The following RYR2 variants were observed in gnomAD, a reference collection of about 807,000 sequenced individuals.
RYR2 encodes the protein cardiac muscle ryanodine receptor-calcium release channel.
A neutral mutation model predicts 601.1 loss-of-function variants in RYR2; 227 were observed. The ratio of observed to expected loss-of-function variants is 0.38; its 90% confidence interval spans 0.34 to 0.42. RYR2 has a LOEUF of 0.42. Among genes scored for constraint, RYR2 ranks in the 10% least tolerant of loss-of-function variants. The pLI is 1.00. For missense variants in RYR2, 4,646 were observed against 6,156.5 expected (o/e 0.75, Z 8.21); for synonymous variants, 2,223 against 2,175.1 (o/e 1.02, Z -0.61).
intron 2 of RYR2, among the ~76,000 whole-genome samples, chr1:237,296,462 A>G (rs7532774): frequency 0.47 from 70,779 of 151,976 alleles, 16,755 homozygotes; most frequent in African/African-American, 0.53. Flanking sequence ...GATTGGATTT[A>G]AGAGGTAAGA....
chr1:237,798,896 G>A (rs572048929), intron 97 of RYR2, among the ~76,000 whole-genome samples: 15 of 152,050 alleles, frequency 9.9e-5, no homozygotes, highest in South Asian at 2.1e-4. Context: ...TTTTAAAAAC[G>A]TAATTGCTTA....
At chr1:237,732,294 C>A in intron 78 of RYR2, 145 bp downstream of exon 78, 1 of 483,546 alleles carries the variant, frequency 2.1e-6, no homozygotes, top group Non-Finnish European at 3.7e-6. Context: ...ACCAGCCTGG[C>A]ATGTACCTAG....
chr1:237,430,474 T>A (rs540529335), intron 12 of RYR2, among the ~76,000 whole-genome samples: 1 of 152,228 alleles, frequency 6.6e-6, no homozygotes, highest in African/African-American at 2.4e-5. Flanking sequence ...TTGTATATGA[T>A]TTTATGGTAG....
intron 1 of RYR2, among the ~76,000 whole-genome samples, chr1:237,152,576 GT>G (rs1166427609): frequency 1.3e-5 from 2 of 152,022 alleles, no homozygotes; most frequent in Non-Finnish European, 2.9e-5. Context: ...TCTCATTGTG[GT>G]TTTGATTTGC....
chr1:237,416,566 T>G (rs571967116), intron 10 of RYR2, among the ~76,000 whole-genome samples: 1 of 152,348 alleles, frequency 6.6e-6, no homozygotes, highest in East Asian at 1.9e-4. Context: ...AGAATTGTGT[T>G]CTTACATTTC....
intron 65 of RYR2, 69 bp from the exon 66 acceptor site, chr1:237,701,909 T>C (rs1165196107): frequency 1.1e-6 from 1 of 872,454 alleles, no homozygotes; most frequent in South Asian, 1.5e-5. Flanking sequence ...AGTACATAGC[T>C]TAAGCTTTCT....
In RYR2 at chr1:237,491,825, C is replaced by T; in HGVS notation, c.1728C>T (p.His576=). ...CTTTAGGCATTCTGGAAGTTTTACACTGTGTTTTAGTAGAAAGTCCAGAAG... is the reference window on the plus strand; with the variant it reads ...CTTTAGGCATTCTGGAAGTTTTACATTGTGTTTTAGTAGAAAGTCCAGAAG... ...EASSGILEVL[H]CVLVESPEAL... The change falls in exon 18 of 105, where the codon CAC becomes CAT. Residue 576 remains histidine (H), a synonymous_variant. Coordinates refer to ENST00000366574, the MANE Select transcript of RYR2 (RefSeq NM_001035.3). 6.9e-7 allele frequency: 1 copy of T among 1,458,998 alleles called. No individual in the cohort carries two copies. Among genetic ancestry groups the T allele is most frequent in the Non-Finnish European group, 9.4e-7 (1 of 1,060,476 alleles). 90.4% of individuals were successfully genotyped at this position (1,458,998 alleles called of 1,614,324 possible). A position where few individuals can be genotyped will look rare whatever the true frequency, so the allele number is the denominator to read the frequency against.
At chr1:237,272,355 T>C (rs912028440) in intron 2 of RYR2, among the ~76,000 whole-genome samples, 2 of 150,510 alleles carry the variant, frequency 1.3e-5, no homozygotes, top group Non-Finnish European at 3.0e-5. Context: ...GCAGAACCCA[T>C]AGATTTCATA....
chr1:237,191,315 T>C (rs1679944926), intron 1 of RYR2, among the ~76,000 whole-genome samples: 1 of 152,234 alleles, frequency 6.6e-6, no homozygotes. Flanking sequence ...ACTGTCATTT[T>C]GTAGTATGTT....
chr1:237,137,554 T>C (rs1167099039), intron 1 of RYR2, among the ~76,000 whole-genome samples: 2 of 152,154 alleles, frequency 1.3e-5, no homozygotes, highest in Non-Finnish European at 2.9e-5. Context: ...TTCCGTAAAT[T>C]GGTAGCAAAT....
intron 33 of RYR2, among the ~76,000 whole-genome samples, chr1:237,594,677 T>C (rs1027490847): frequency 2.6e-5 from 4 of 152,056 alleles, no homozygotes; most frequent in Non-Finnish European, 5.9e-5. Context: ...ATTTGATTAC[T>C]CAAAAACTGA....
intron 15 of RYR2, 73 bp from the exon 16 acceptor site, chr1:237,456,527 G>A (rs1300662333): frequency 5.8e-6 from 8 of 1,385,340 alleles, no homozygotes; most frequent in African/African-American, 1.5e-5. Context: ...AATCAACTTA[G>A]CATTTTTAGT....
rs1675100368 is a variant in RYR2, at chr1:237,591,045, A to G, written c.4160+53A>G. 9 of 1,508,262 alleles carry G rather than the reference A, an allele frequency of 6.0e-6. 1 individual carries two copies. The highest frequency in any genetic ancestry group is 1.3e-5 in the South Asian group (1 of 77,788). The allele number at this position is 1,508,262 out of a possible 1,614,324, so 93.4% of individuals were successfully genotyped here. ...AATTTGTAGTTATGTGAGGAAGGTT[A>G]CAGTCCAGAGTAAAGGGTCTCCTAG... On this transcript the variant is annotated intron_variant, in intron 31 of 104. Coordinates refer to ENST00000366574, the MANE Select transcript of RYR2 (RefSeq NM_001035.3).
Position 237,717,297 on chromosome 1 carries a change from C to A in RYR2, c.10423C>A (p.Pro3475Thr). 2 of 1,613,120 alleles carry A rather than the reference C, an allele frequency of 1.2e-6. No individual in the cohort carries two copies. The highest frequency in any genetic ancestry group is 1.1e-5 in the South Asian group (1 of 91,000). ...TGTAGCAGCTCTGAAGCGGTTACTG[C>A]CCATTGGGTTGAACATCTGTGCCCC... ...LIVAALKRLLPIGLNICAPGD... is the reference protein window; with the variant it reads ...LIVAALKRLLTIGLNICAPGD... Residue 3475 changes from proline to threonine, a missense_variant, in exon 72 of 105, where the codon CCC becomes ACC. Physicochemically the swap from Pro to Thr is conservative, Grantham distance 38. Transcript: ENST00000366574.
chr1:237,768,562 A>G (rs1694024447), intron 84 of RYR2, among the ~76,000 whole-genome samples: 1 of 152,206 alleles, frequency 6.6e-6, no homozygotes, highest in Admixed American at 6.5e-5. Context: ...ATTACAAATC[A>G]TAATTTACCA....
chr1:237,163,871 G>A (rs969236395), intron 1 of RYR2, among the ~76,000 whole-genome samples: 4 of 152,218 alleles, frequency 2.6e-5, no homozygotes, highest in Non-Finnish European at 5.9e-5. Context: ...GGCGGTCTCC[G>A]GGTGCCTGAC....
intron 16 of RYR2, among the ~76,000 whole-genome samples, chr1:237,468,866 A>G (rs941750376): frequency 2.6e-5 from 4 of 152,168 alleles, no homozygotes; most frequent in African/African-American, 9.7e-5. Flanking sequence ...CCGAAATTAC[A>G]TTCCTTCTAA....
At chr1:237,225,581 A>G (rs950871893) in intron 1 of RYR2, among the ~76,000 whole-genome samples, 59 of 152,186 alleles carry the variant, frequency 3.9e-4, no homozygotes, top group African/African-American at 1.4e-3. Flanking sequence ...GGGAGCTACA[A>G]TTCAAGATGA....
At position 237,784,809 on chromosome 1, in the gene RYR2, T is replaced by C; in HGVS notation, c.13097T>C (p.Leu4366Ser). The change falls in exon 90 of 105, where the codon TTA (leucine) becomes TCA (serine). Residue 4366 changes from leucine (L) to serine (S), a missense_variant. Around this residue, in one of 17 missense-constraint regions of RYR2, gnomAD observed 364 missense variants for 442.9 expected, o/e 0.82. Transcript: ENST00000366574. The surrounding 1 kb of genome is among the most constrained non-coding windows in gnomAD (Gnocchi z 7.1). Reference sequence around the variant, plus strand: ...CTGCCCTCCGAGGATCTGACCGACTTAAAGGAGCTGACAGAGGAAAGTGAC... The same window carrying C: ...CTGCCCTCCGAGGATCTGACCGACTCAAAGGAGCTGACAGAGGAAAGTGAC... ...AALPSEDLTD[L>S]KELTEESDLL... 6 of 1,613,266 alleles carry C rather than the reference T, an allele frequency of 3.7e-6. No individual in the cohort carries two copies. Among genetic ancestry groups the C allele is most frequent in the Non-Finnish European group, 5.1e-6 (6 of 1,179,472 alleles).
Sources: gnomAD v4.1 joint callset for allele counts (sites outside exome capture counted in the v4.1 genomes callset) on GRCh38, gnomAD v4.1.1 for gene constraint, gnomAD v4.1.1 regional missense constraint, Gnocchi (gnomAD v3.1) non-coding constraint, MANE v1.5 for transcripts, NCBI Gene and HGNC (gene_info 2026-07-23, HGNC 2026-07-21) for gene names.